Variants in MIS18A observed in about 807,000 individuals in gnomAD.
MIS18A encodes protein Mis18-alpha.
Under a neutral mutation model 25.0 loss-of-function variants are expected in MIS18A, and 14 were observed. The ratio of observed to expected loss-of-function variants is 0.56; its 90% CI spans 0.37 to 0.88. The LOEUF is 0.88. Among genes scored for constraint, MIS18A ranks in the 40% least tolerant of loss-of-function variants. The probability of loss-of-function intolerance (pLI) is 0.00; values close to 1 mark genes in which losing one functional copy is unlikely to be tolerated. For missense variants in MIS18A, 292 were observed against 290.8 expected (o/e 1.00, Z -0.03); for synonymous variants, 134 against 118.6 (o/e 1.13, Z -0.84).
chr21:32,200,099 A>T, the MIS18A span, among the ~76,000 whole-genome samples: 3 of 152,256 alleles, frequency 2.0e-5, no homozygotes, highest in Non-Finnish European at 4.4e-5. Context: ...AGGTCCAGAC[A>T]ATAAATACGT....
At chr21:32,244,830 G>A in the MIS18A span, among the ~76,000 whole-genome samples, 1 of 152,142 alleles carries the variant, frequency 6.6e-6, no homozygotes, top group Admixed American at 6.5e-5. Flanking sequence ...ATTTTATATA[G>A]AAGATATCAA....
chr21:32,219,653 G>A, the MIS18A span, among the ~76,000 whole-genome samples: 22 of 152,294 alleles, frequency 1.4e-4, no homozygotes, highest in Middle Eastern at 3.4e-3. Flanking sequence ...AAAGAGGGCT[G>A]AAGCCAGGGA....
chr21:32,256,014 A>G, the MIS18A span, among the ~76,000 whole-genome samples: 1 of 152,136 alleles, frequency 6.6e-6, no homozygotes, highest in African/African-American at 2.4e-5. Flanking sequence ...AACTCAGTTG[A>G]CTTCTTTGAG....
At chr21:32,266,306 G>A (rs554483777), downstream of MIS18A, among the ~76,000 whole-genome samples, 4,211 of 152,146 alleles carry the variant, frequency 0.028, 49 homozygotes, top group Non-Finnish European at 0.043. Context: ...ACCAATCAGC[G>A]CCCTGACAAA....
the MIS18A span, among the ~76,000 whole-genome samples, chr21:32,175,109 C>T: frequency 6.6e-6 from 1 of 152,090 alleles, no homozygotes; most frequent in South Asian, 2.1e-4. Flanking sequence ...ACTATTGCTC[C>T]CAGGCTACTA....
chr21:32,199,007 A>C, the MIS18A span, among the ~76,000 whole-genome samples: 1 of 152,102 alleles, frequency 6.6e-6, no homozygotes, highest in Non-Finnish European at 1.5e-5. Flanking sequence ...TTGCCAGTTG[A>C]TTCATATGCA....
chr21:32,264,253 ATTAT>A (rs1478863057), downstream of MIS18A, among the ~76,000 whole-genome samples: 1 of 152,182 alleles, frequency 6.6e-6, no homozygotes, highest in Non-Finnish European at 1.5e-5. Flanking sequence ...AATGTGAGTA[ATTAT>A]TAATTGTAAG....
intron 1 of MIS18A, among the ~76,000 whole-genome samples, chr21:32,275,792 G>T (rs963182947): frequency 6.6e-6 from 1 of 151,966 alleles, no homozygotes; most frequent in African/African-American, 2.4e-5. Context: ...CTGCTCCCCT[G>T]TATCTACTCC....
intron 2 of MIS18A, among the ~76,000 whole-genome samples, chr21:32,274,566 A>G (rs778481958): frequency 5.9e-5 from 9 of 152,110 alleles, no homozygotes; most frequent in Non-Finnish European, 1.2e-4. Flanking sequence ...CCAAAAAGGG[A>G]ATGTCAGCAT....
the MIS18A span, among the ~76,000 whole-genome samples, chr21:32,196,891 C>G: frequency 2.0e-5 from 3 of 152,168 alleles, no homozygotes; most frequent in African/African-American, 7.2e-5. Context: ...TTCTGTTTCT[C>G]TGGGGTGCCC....
At chr21:32,276,853 G>C (rs2031821281) in intron 1 of MIS18A, among the ~76,000 whole-genome samples, 2 of 152,020 alleles carry the variant, frequency 1.3e-5, no homozygotes, top group African/African-American at 4.8e-5. Flanking sequence ...AGTTTGAGCA[G>C]GCGTTCAAGG....
At chr21:32,274,629 A>G (rs997102309) in intron 2 of MIS18A, among the ~76,000 whole-genome samples, 1 of 152,208 alleles carries the variant, frequency 6.6e-6, no homozygotes, top group African/African-American at 2.4e-5. Flanking sequence ...AGGTGACCAC[A>G]ACCACTCAAG....
the MIS18A span, among the ~76,000 whole-genome samples, chr21:32,243,621 A>T: frequency 6.6e-6 from 1 of 152,224 alleles, no homozygotes; most frequent in East Asian, 1.9e-4. Context: ...TTAAACACAG[A>T]CTTACCATAT....
At chr21:32,166,478 G>A in the MIS18A span, among the ~76,000 whole-genome samples, 1 of 152,140 alleles carries the variant, frequency 6.6e-6, no homozygotes, top group Admixed American at 6.6e-5. Context: ...GTAGTATCAA[G>A]AAAGGAAGTG....
At chr21:32,192,534 C>A in the MIS18A span, among the ~76,000 whole-genome samples, 98 of 152,296 alleles carry the variant, frequency 6.4e-4, no homozygotes, top group African/African-American at 2.2e-3. Flanking sequence ...CAGAGACTAG[C>A]CCCCTTTCCA....
chr21:32,261,478 C>G, the MIS18A span: 1 of 152,078 alleles, frequency 6.6e-6, no homozygotes, highest in Non-Finnish European at 1.5e-5. Flanking sequence ...GCTTGCGGGT[C>G]AAGATAAAGA....
At chr21:32,157,858 C>T in the MIS18A span, among the ~76,000 whole-genome samples, 8 of 152,070 alleles carry the variant, frequency 5.3e-5, no homozygotes, top group Admixed American at 2.6e-4. Context: ...ACTATTTTAA[C>T]TGTTTAGTAA....
At chr21:32,194,426 G>A in the MIS18A span, among the ~76,000 whole-genome samples, 1 of 152,178 alleles carries the variant, frequency 6.6e-6, no homozygotes. Flanking sequence ...TTGGGAAGCT[G>A]AGTGGGGCGG....
the MIS18A span, among the ~76,000 whole-genome samples, chr21:32,234,779 C>G: frequency 6.6e-6 from 1 of 152,162 alleles, no homozygotes; most frequent in African/African-American, 2.4e-5. Flanking sequence ...AGAAGCCCAG[C>G]AGATGGCCGG....
Sources: allele counts gnomAD v4.1 joint callset (sites outside exome capture counted in the v4.1 genomes callset), GRCh38; gene constraint gnomAD v4.1.1; transcripts MANE v1.5; gene names NCBI Gene and HGNC (gene_info 2026-07-23, HGNC 2026-07-21).